CCDC3: variants seen among roughly 807,000 people sequenced by gnomAD.
The protein encoded by CCDC3 is coiled-coil domain containing 3.
In CCDC3, 24 loss-of-function variants were observed where a neutral mutation model predicts 21.4. The ratio of observed to expected loss-of-function variants is 1.12; its 90% CI spans 0.81 to 1.58. The LOEUF is 1.58. CCDC3 is among the 40% of genes most tolerant of loss of function. CCDC3 has a pLI of 0.00. For missense variants in CCDC3, 425 were observed against 360.9 expected, an observed-to-expected ratio of 1.18 and a Z score of -1.44; for synonymous variants, 186 against 166.0, an observed-to-expected ratio of 1.12 and a Z score of -0.93.
intron 2 of CCDC3, among the ~76,000 whole-genome samples, chr10:12,938,200 C>G (rs1336150545): frequency 1.3e-5 from 2 of 152,190 alleles, no homozygotes; most frequent in African/African-American, 4.8e-5. Context: ...CCTCCACCCA[C>G]AGAGAGGAAT....
intron 2 of CCDC3, among the ~76,000 whole-genome samples, chr10:12,954,234 A>G (rs1474666685): frequency 6.6e-6 from 1 of 152,192 alleles, no homozygotes; most frequent in African/African-American, 2.4e-5. Context: ...CAGAAAATCA[A>G]TACTCTAGTA....
chr10:13,036,145 A>AAAACAAAC, intron 5 of CCDC3, among the ~76,000 whole-genome samples: 1 of 151,928 alleles, frequency 6.6e-6, no homozygotes, highest in Admixed American at 6.6e-5. Flanking sequence ...TCTGTCTCAA[A>AAAACAAAC]AAACAAACAA....
chr10:12,902,830 G>A (rs1018599486), intron 2 of CCDC3, among the ~76,000 whole-genome samples: 9 of 4,448 alleles, frequency 2.0e-3, no homozygotes, highest in Non-Finnish European at 4.8e-3. Flanking sequence ...GCAAGACTTA[G>A]AGCCCAGACA....
chr10:13,061,510 C>T (rs550816388), intron 4 of CCDC3, among the ~76,000 whole-genome samples: 74 of 152,274 alleles, frequency 4.9e-4, no homozygotes, highest in African/African-American at 1.7e-3. Flanking sequence ...GACCATGGCC[C>T]GTGACACAGC....
chr10:12,911,021 T>G (rs541198863), intron 2 of CCDC3, among the ~76,000 whole-genome samples: 11 of 152,368 alleles, frequency 7.2e-5, no homozygotes, highest in Admixed American at 3.3e-4. Context: ...TACTGTTCCA[T>G]TCTATAAACG....
At chr10:13,059,413 A>G (rs1432233965) in intron 4 of CCDC3, among the ~76,000 whole-genome samples, 1 of 152,220 alleles carries the variant, frequency 6.6e-6, no homozygotes, top group Non-Finnish European at 1.5e-5. Flanking sequence ...TTACAGCAAC[A>G]ATATTGAGTG....
At chr10:12,950,822 T>A (rs914557815) in intron 2 of CCDC3, among the ~76,000 whole-genome samples, 1 of 152,078 alleles carries the variant, frequency 6.6e-6, no homozygotes, top group Admixed American at 6.5e-5. Context: ...ACTGACAGAC[T>A]CTGTGAGGAA....
At chr10:13,048,750 A>G (rs2131423578) in intron 5 of CCDC3, among the ~76,000 whole-genome samples, 1 of 152,110 alleles carries the variant, frequency 6.6e-6, no homozygotes, top group East Asian at 1.9e-4. Flanking sequence ...CTGGTCATCA[A>G]TAGTATGGTG....
At chr10:13,086,150 G>A (rs887090553) in intron 3 of CCDC3, among the ~76,000 whole-genome samples, 1 of 152,158 alleles carries the variant, frequency 6.6e-6, no homozygotes, top group Non-Finnish European at 1.5e-5. Context: ...GCCAAGGGAA[G>A]CAGGAAAGAT....
At chr10:12,998,218 G>T in intron 2 of CCDC3, 120 bp downstream of exon 2, 1 of 1,086,772 alleles carries the variant, frequency 9.2e-7, no homozygotes, top group Non-Finnish European at 1.3e-6. Flanking sequence ...GAGGGCATAC[G>T]CTAATACTCT....
At chr10:12,947,629 ATCT>A (rs1374408108) in intron 2 of CCDC3, among the ~76,000 whole-genome samples, 1 of 152,198 alleles carries the variant, frequency 6.6e-6, no homozygotes, top group Non-Finnish European at 1.5e-5. Flanking sequence ...GGGAATCTAG[ATCT>A]TCTAATTATT....
In CCDC3 at chr10:12,898,483, A is replaced by C. The variant is rs758245009; in HGVS notation, c.746T>G (p.Leu249Arg). 1.2e-6 allele frequency: 2 copies of C among 1,613,456 alleles called. No individual in the cohort carries two copies. Among genetic ancestry groups the C allele is most frequent in the South Asian group, 2.2e-5 (2 of 91,072 alleles). Residue 249 changes from leucine (L) to arginine (R), a missense_variant, in exon 3 of 3, where the codon CTG becomes CGG. Physicochemically the swap from Leu to Arg is moderately radical, Grantham distance 102. Coordinates refer to ENST00000378825, the MANE Select transcript of CCDC3 (RefSeq NM_031455.4). ...GATGTGCGGCAGCGCGCCCGCCGCC[A>C]GCTTCTCACTGAGTTTCTGGTTCGC... ...ELANQKLSEKLAAGALPHINA... is the reference protein window; with the variant it reads ...ELANQKLSEKRAAGALPHINA...
intron 3 of CCDC3, among the ~76,000 whole-genome samples, chr10:13,096,191 C>CTT (rs1554767135): frequency 6.8e-5 from 10 of 147,098 alleles, no homozygotes; most frequent in East Asian, 2.0e-4. Context: ...CTCTCTCTCT[C>CTT]TCTTTCTTTT....
At chr10:13,005,867 A>G (rs770366960), upstream of CCDC3, among the ~76,000 whole-genome samples, 1 of 152,218 alleles carries the variant, frequency 6.6e-6, no homozygotes, top group Non-Finnish European at 1.5e-5. Context: ...TAAATGTGGC[A>G]TATGTTCCCT....
chr10:12,952,305 T>A (rs913014613), intron 2 of CCDC3, among the ~76,000 whole-genome samples: 1 of 152,176 alleles, frequency 6.6e-6, no homozygotes, highest in African/African-American at 2.4e-5. Context: ...GCTCAGCAAA[T>A]CATTATGACT....
intron 2 of CCDC3, among the ~76,000 whole-genome samples, chr10:12,964,611 A>G (rs1443917746): frequency 6.6e-6 from 1 of 152,208 alleles, no homozygotes; most frequent in Non-Finnish European, 1.5e-5. Flanking sequence ...GCCTGGAGCT[A>G]CCACTACCTT....
At chr10:13,047,849 A>T (rs1836548611) in intron 5 of CCDC3, among the ~76,000 whole-genome samples, 1 of 152,214 alleles carries the variant, frequency 6.6e-6, no homozygotes, top group African/African-American at 2.4e-5. Context: ...TGCCAAGGTT[A>T]GGGACGCGCC....
At chr10:12,966,342 G>A (rs761410684) in intron 2 of CCDC3, among the ~76,000 whole-genome samples, 2 of 151,822 alleles carry the variant, frequency 1.3e-5, no homozygotes, top group South Asian at 2.1e-4. Context: ...GCCTATTTAC[G>A]CTACTATCTA....
intron 2 of CCDC3, among the ~76,000 whole-genome samples, chr10:12,986,884 TG>T: frequency 1.3e-5 from 2 of 152,290 alleles, no homozygotes; most frequent in Non-Finnish European, 2.9e-5. Context: ...GAGTAATAAC[TG>T]TTTCAATAAA....
Sources: gnomAD v4.1 joint callset for allele counts (sites outside exome capture counted in the v4.1 genomes callset) on GRCh38, gnomAD v4.1.1 for gene constraint, MANE v1.5 for transcripts, NCBI Gene and HGNC (gene_info 2026-07-23, HGNC 2026-07-21) for gene names.